The following AGBL4 variants were observed in gnomAD, a reference collection of about 807,000 sequenced individuals.
The protein encoded by AGBL4 is cytosolic carboxypeptidase 6.
AGBL4 carries 58 observed loss-of-function variants against 66.4 expected under a neutral mutation model. The ratio of observed to expected loss-of-function variants is 0.87; its 90% CI spans 0.71 to 1.09. The LOEUF is 1.09. Among genes scored for constraint, AGBL4 ranks in the 50% least tolerant of loss-of-function variants. The probability of loss-of-function intolerance (pLI) is 0.00; values close to 1 mark genes in which losing one functional copy is unlikely to be tolerated. For missense variants in AGBL4, 579 were observed against 631.0 expected, an observed-to-expected ratio of 0.92 and a Z score of 0.88; for synonymous variants, 234 against 222.9, an observed-to-expected ratio of 1.05 and a Z score of -0.44.
At chr1:49,501,178 C>T (rs1053689183) in intron 3 of AGBL4, among the ~76,000 whole-genome samples, 4 of 152,010 alleles carry the variant, frequency 2.6e-5, no homozygotes, top group African/African-American at 7.2e-5. Context: ...TCATTTGATT[C>T]TCAACTTGGT....
chr1:49,283,169 G>T (rs927031586), intron 3 of AGBL4, among the ~76,000 whole-genome samples: 3 of 152,206 alleles, frequency 2.0e-5, no homozygotes, highest in African/African-American at 7.2e-5. Flanking sequence ...CGCAGCTGGA[G>T]ATCTGAGAAC....
At chr1:49,911,449 A>G (rs901932374) in intron 1 of AGBL4, among the ~76,000 whole-genome samples, 1 of 152,206 alleles carries the variant, frequency 6.6e-6, no homozygotes, top group African/African-American at 2.4e-5. Flanking sequence ...TAGATACTAC[A>G]TACAATATAA....
Position 49,427,041 on chromosome 1 carries a change from C to A in AGBL4, c.283-181177G>T, listed in dbSNP as rs148479697. Among the ~76,000 whole-genome samples the A allele has an allele frequency of 8.0e-3, 1,216 of 151,940 alleles. 15 individuals carry two copies. The highest frequency in any genetic ancestry group is 0.028 in the African/African-American group (1,170 of 41,382). On this transcript the variant is annotated intron_variant, in intron 3 of 13. Transcript: ENST00000371839. ...GAGCTTACATCCAAACAAGAGAACA[C>A]AAATGTCAACAGATGTAGTGAGGCA...
chr1:49,084,565 C>A (rs186788659), intron 4 of AGBL4, among the ~76,000 whole-genome samples: 1 of 152,108 alleles, frequency 6.6e-6, no homozygotes, highest in African/African-American at 2.4e-5. Context: ...GGAGAAACCA[C>A]CCCCATGATT....
chr1:49,822,331 G>GTA (rs1645391717), intron 2 of AGBL4, among the ~76,000 whole-genome samples: 1 of 151,780 alleles, frequency 6.6e-6, no homozygotes, highest in African/African-American at 2.4e-5. Context: ...GTGTGTGTGT[G>GTA]TGTGTGTGTT....
chr1:49,372,611 CTTTCTTTCTTTCTT>C (rs1557878269), intron 3 of AGBL4, among the ~76,000 whole-genome samples: 48 of 9,942 alleles, frequency 4.8e-3, no homozygotes, highest in Non-Finnish European at 6.5e-3. Flanking sequence ...TTTTCTTTTT[CTTTCTTTCTTTCTT>C]TCTTTCTTTC....
chr1:49,299,985 T>C (rs1329921255), intron 3 of AGBL4, among the ~76,000 whole-genome samples: 3 of 152,198 alleles, frequency 2.0e-5, no homozygotes, highest in Non-Finnish European at 2.9e-5. Context: ...TCACACATCA[T>C]TGTACTTGAT....
At chr1:49,521,053 C>T (rs115419629) in intron 3 of AGBL4, among the ~76,000 whole-genome samples, 3,356 of 152,092 alleles carry the variant, frequency 0.022, 75 homozygotes, top group Non-Finnish European at 0.034. Context: ...ATATGATCCA[C>T]CCACCTTGGC....
chr1:48,528,959 A>G (rs558695044), downstream of AGBL4, among the ~76,000 whole-genome samples: 18 of 151,978 alleles, frequency 1.2e-4, no homozygotes, highest in Admixed American at 2.0e-4. Flanking sequence ...GGTGAATATC[A>G]TGTTCAACAC....
rs573852890 is a variant in AGBL4 at position 49,799,292 on chromosome 1, T to TA, written c.157+52103dup. 2.2e-3 allele frequency among the ~76,000 whole-genome samples: 335 copies of TA among 152,128 alleles called. 1 individual carries two copies. Among genetic ancestry groups the TA allele is most frequent in the African/African-American group, 7.3e-3 (301 of 41,508 alleles). ...TATATGTCAAGGTTGTAAATCAAAT[T>TA]AAAAAAAATCCACAGACTCAGCTCT... is the stretch of plus-strand genomic sequence containing the variant. On this transcript the variant is annotated intron_variant, in intron 2 of 13. Transcript: ENST00000371839.
chr1:49,210,589 T>C (rs955561974), intron 4 of AGBL4, among the ~76,000 whole-genome samples: 3 of 152,060 alleles, frequency 2.0e-5, no homozygotes, highest in Non-Finnish European at 4.4e-5. Context: ...GATAAAGATG[T>C]TTTAGAAAAT....
At chr1:49,347,837 C>T (rs1032394620) in intron 3 of AGBL4, among the ~76,000 whole-genome samples, 4 of 151,616 alleles carry the variant, frequency 2.6e-5, no homozygotes, top group Admixed American at 6.6e-5. Context: ...TCCAGCCTGG[C>T]GACAGAGTGA....
intron 6 of AGBL4, among the ~76,000 whole-genome samples, chr1:48,719,967 C>T (rs1647118594): frequency 6.6e-6 from 1 of 152,156 alleles, no homozygotes; most frequent in East Asian, 1.9e-4. Context: ...AAACTTCAAC[C>T]CATGAGAACA....
chr1:50,008,171 T>C (rs1661276782), intron 1 of AGBL4, among the ~76,000 whole-genome samples: 1 of 152,206 alleles, frequency 6.6e-6, no homozygotes, highest in Non-Finnish European at 1.5e-5. Flanking sequence ...CAAATGAACC[T>C]AACAGATATT....
At chr1:48,767,435 T>A (rs992333209) in intron 6 of AGBL4, among the ~76,000 whole-genome samples, 1 of 152,088 alleles carries the variant, frequency 6.6e-6, no homozygotes, top group Non-Finnish European at 1.5e-5. Flanking sequence ...TGAGACATGA[T>A]GAAAGAGATG....
chr1:49,808,527 C>T (rs1645025615), intron 2 of AGBL4, among the ~76,000 whole-genome samples: 1 of 152,024 alleles, frequency 6.6e-6, no homozygotes, highest in Non-Finnish European at 1.5e-5. Context: ...TTCTCAATTA[C>T]TATTAAAATT....
At chr1:48,768,204 T>A (rs1391722657) in intron 6 of AGBL4, among the ~76,000 whole-genome samples, 1 of 152,168 alleles carries the variant, frequency 6.6e-6, no homozygotes, top group Admixed American at 6.5e-5. Flanking sequence ...TATAACTTCC[T>A]AAAGTGCCTG....
chr1:49,285,306 T>C (rs1012082827), intron 3 of AGBL4, among the ~76,000 whole-genome samples: 3 of 152,200 alleles, frequency 2.0e-5, no homozygotes, highest in South Asian at 2.1e-4. Flanking sequence ...GAAATAAAGA[T>C]GTTCTTTGAA....
At chr1:48,745,573 C>T (rs973523762) in intron 6 of AGBL4, among the ~76,000 whole-genome samples, 2 of 152,152 alleles carry the variant, frequency 1.3e-5, no homozygotes, top group African/African-American at 4.8e-5. Flanking sequence ...TCTTTCCTGC[C>T]TCCTACTCTT....
Sources: allele counts gnomAD v4.1 joint callset (sites outside exome capture counted in the v4.1 genomes callset), GRCh38; gene constraint gnomAD v4.1.1; transcripts MANE v1.5; gene names NCBI Gene and HGNC (gene_info 2026-07-23, HGNC 2026-07-21).